ERGIC2: variants seen among roughly 807,000 people sequenced by gnomAD.
ERGIC2 encodes the protein ERGIC and golgi 2.
ERGIC2 carries 31 observed loss-of-function variants against 52.5 expected under a neutral mutation model. The observed-to-expected ratio is 0.59, with a 90% confidence interval of 0.44 to 0.80. The LOEUF (loss-of-function observed/expected upper bound fraction) is 0.80, where lower values mean the gene tolerates loss of function less well. Ranked by LOEUF, ERGIC2 falls within the 30% of genes least tolerant of loss-of-function variation. ERGIC2 has a pLI of 0.00. For missense variants in ERGIC2, 395 were observed against 455.2 expected (o/e 0.87, Z 1.20); for synonymous variants, 129 against 140.6 (o/e 0.92, Z 0.58).
chr12:29,371,480 G>T, intron 2 of ERGIC2, 48 bp downstream of exon 2: 1 of 1,202,066 alleles, frequency 8.3e-7, no homozygotes, highest in Non-Finnish European at 1.2e-6. Context: ...ACTGGATCAC[G>T]CAGAAGTTGT....
rs368926595 is a variant in ERGIC2 at position 29,357,748 on chromosome 12, A to T, written c.375-24T>A. 171 of 1,327,526 alleles carry T rather than the reference A, an allele frequency of 1.3e-4. 2 individuals are homozygous for T. The African/African-American group carries it at 2.2e-3, about 17-fold the overall frequency. The allele number at this position is 1,327,526 out of a possible 1,614,324, so 82.2% of individuals were successfully genotyped here. On this transcript the variant is annotated intron_variant, in intron 6 of 13. Coordinates refer to ENST00000360150, the MANE Select transcript of ERGIC2 (RefSeq NM_016570.3). The stretch of plus-strand genomic sequence containing the variant: ...TCCTAAATAAGAAGCAATAATTTAG[A>T]ACTACAGAAAGGTACACAAAGAGAG...
chr12:29,355,429 C>A (rs1226110364), intron 8 of ERGIC2, among the ~76,000 whole-genome samples: 1 of 152,072 alleles, frequency 6.6e-6, no homozygotes, highest in African/African-American at 2.4e-5. Context: ...TAGCACAGTA[C>A]TTTGCACATA....
At chr12:29,352,437 T>G (rs1940145642) in intron 8 of ERGIC2, among the ~76,000 whole-genome samples, 1 of 151,998 alleles carries the variant, frequency 6.6e-6, no homozygotes, top group Non-Finnish European at 1.5e-5. Flanking sequence ...CCAAGGTGAG[T>G]GGATCACCTG....
intron 1 of ERGIC2, among the ~76,000 whole-genome samples, chr12:29,378,454 C>G (rs1940543752): frequency 6.6e-6 from 1 of 151,980 alleles, no homozygotes; most frequent in Non-Finnish European, 1.5e-5. Context: ...ATAATTCAGG[C>G]CATCGCTGAA....
intron 8 of ERGIC2, among the ~76,000 whole-genome samples, chr12:29,351,942 CAA>C (rs1940136206): frequency 6.6e-6 from 1 of 152,152 alleles, no homozygotes; most frequent in South Asian, 2.1e-4. Flanking sequence ...CTTTTTAGCA[CAA>C]TTAAATAGTG....
chr12:29,354,339 C>G (rs774449975), intron 8 of ERGIC2, among the ~76,000 whole-genome samples: 1 of 152,118 alleles, frequency 6.6e-6, no homozygotes. Flanking sequence ...ATCTCATCAA[C>G]GGAAATGTCA....
At chr12:29,357,498 C>A in intron 7 of ERGIC2, 125 bp downstream of exon 7, 1 of 626,326 alleles carries the variant, frequency 1.6e-6, no homozygotes, top group Non-Finnish European at 2.8e-6. Flanking sequence ...CTTTATAGTA[C>A]AGAATGATTC....
chr12:29,378,492 C>T (rs940806715), intron 1 of ERGIC2, among the ~76,000 whole-genome samples: 2 of 152,014 alleles, frequency 1.3e-5, no homozygotes, highest in African/African-American at 4.8e-5. Flanking sequence ...AAAACTACAA[C>T]CTATCTGTAA....
intron 1 of ERGIC2, among the ~76,000 whole-genome samples, chr12:29,379,193 A>T (rs1433002809): frequency 6.6e-6 from 1 of 152,162 alleles, no homozygotes; most frequent in Non-Finnish European, 1.5e-5. Flanking sequence ...AGCTCTCAAT[A>T]AAAGTATAGA....
At chr12:29,353,021 A>G (rs1182353302) in intron 8 of ERGIC2, among the ~76,000 whole-genome samples, 1 of 152,202 alleles carries the variant, frequency 6.6e-6, no homozygotes, top group African/African-American at 2.4e-5. Flanking sequence ...TTTATAACCA[A>G]TTAACTGTCT....
intron 12 of ERGIC2, among the ~76,000 whole-genome samples, chr12:29,342,807 A>G (rs1949848923): frequency 6.6e-6 from 1 of 152,204 alleles, no homozygotes; most frequent in African/African-American, 2.4e-5. Flanking sequence ...AAAACCTCAG[A>G]AAAGGTAGGT....
chr12:29,350,982 A>G (rs1353280799), intron 8 of ERGIC2, among the ~76,000 whole-genome samples: 2 of 152,256 alleles, frequency 1.3e-5, no homozygotes, highest in African/African-American at 4.8e-5. Context: ...TTAAGTCTGC[A>G]TGAAACTTAA....
chr12:29,367,363 T>A (rs1400122746), intron 4 of ERGIC2, among the ~76,000 whole-genome samples: 3 of 151,824 alleles, frequency 2.0e-5, no homozygotes, highest in Admixed American at 6.6e-5. Flanking sequence ...ATCGTAAAGC[T>A]ATGCTACAAA....
intron 10 of ERGIC2, among the ~76,000 whole-genome samples, 184 bp from the exon 11 acceptor site, chr12:29,345,724 GA>G (rs1366785663): frequency 6.6e-6 from 1 of 152,056 alleles, no homozygotes; most frequent in Non-Finnish European, 1.5e-5. Context: ...GAACAGTCTC[GA>G]ACTTGAGTCT....
At chr12:29,346,377 A>G (rs1486416325) in intron 10 of ERGIC2, among the ~76,000 whole-genome samples, 1 of 151,838 alleles carries the variant, frequency 6.6e-6, no homozygotes, top group African/African-American at 2.4e-5. Context: ...TTTAGTAGAG[A>G]CAGGGTTTTG....
intron 1 of ERGIC2, 140 bp downstream of exon 1, chr12:29,380,971 CTCCG>C (rs1940580569): frequency 6.6e-6 from 1 of 152,274 alleles, no homozygotes; most frequent in African/African-American, 2.4e-5. Context: ...GGAGCGGCTT[CTCCG>C]TCCGACCGGC....
chr12:29,348,355 A>ACAAAAG (rs1940086567), intron 10 of ERGIC2, among the ~76,000 whole-genome samples: 2 of 152,110 alleles, frequency 1.3e-5, no homozygotes, highest in Non-Finnish European at 2.9e-5. Flanking sequence ...TAGAATTCCT[A>ACAAAAG]CTAGCTGAAC....
chr12:29,347,944 C>A (rs1449220480), intron 10 of ERGIC2, among the ~76,000 whole-genome samples: 3 of 152,156 alleles, frequency 2.0e-5, no homozygotes, highest in Admixed American at 6.5e-5. Context: ...AGAAGAGCTT[C>A]TGTGCAAAAA....
chr12:29,368,454 A>G (rs1468145210), intron 3 of ERGIC2, among the ~76,000 whole-genome samples, 167 bp from the exon 4 acceptor site: 2 of 151,828 alleles, frequency 1.3e-5, no homozygotes, highest in African/African-American at 2.4e-5. Context: ...TTTAAATTAC[A>G]AGTTCTATTT....
Sources: gnomAD v4.1 joint callset for allele counts (sites outside exome capture counted in the v4.1 genomes callset) on GRCh38, gnomAD v4.1.1 for gene constraint, MANE v1.5 for transcripts, NCBI Gene and HGNC (gene_info 2026-07-23, HGNC 2026-07-21) for gene names.